Variants in NBPF19 observed in about 807,000 individuals in gnomAD.
NBPF19 encodes NBPF family member NBPF19.
Under a neutral mutation model 45.9 loss-of-function variants are expected in NBPF19, and 30 were observed. The observed-to-expected ratio is 0.65, with a 90% CI of 0.49 to 0.89. The LOEUF (loss-of-function observed/expected upper bound fraction) is 0.89. Among genes scored for constraint, NBPF19 ranks in the 40% least tolerant of loss-of-function variants. NBPF19 has a pLI of 0.00. For missense variants in NBPF19, 495 were observed against 471.8 expected (o/e 1.05, Z -0.46); for synonymous variants, 183 against 181.2 (o/e 1.01, Z -0.08).
intron 16 of NBPF19, 61 bp from the exon 17 acceptor site, chr1:149,493,599 G>C: frequency 6.8e-6 from 1 of 146,138 alleles, no homozygotes; most frequent in Non-Finnish European, 1.2e-5. Context: ...TTAGACAGTG[G>C]ATTGTTATGT....
intron 7 of NBPF19, among the ~76,000 whole-genome samples, chr1:149,482,552 C>A (rs1480977618): frequency 2.1e-3 from 309 of 149,948 alleles, no homozygotes; most frequent in African/African-American, 7.4e-3. Context: ...CTGCTCTGAT[C>A]TTAGTTACTT....
At position 149,554,680 on chromosome 1, in the gene NBPF19, C is replaced by T; in HGVS notation, c.11474C>T (p.Thr3825Ile). The T allele has an allele frequency of 6.2e-7, 1 of 1,608,280 alleles. No homozygotes were observed. The highest frequency in any genetic ancestry group is 8.5e-7 in the Non-Finnish European group (1 of 1,176,746). The change falls in exon 94 of 94, where the codon ACT (threonine) becomes ATT (isoleucine). Residue 3825 changes from threonine to isoleucine, a missense_variant. Physicochemically the swap from Thr to Ile is moderately conservative, Grantham distance 89 (BLOSUM62 -1). This residue lies in a region of NBPF19 where 248 missense variants were observed against 95.4 expected (regional missense o/e 2.60). Transcript: ENST00000651566. Reference protein sequence around the residue: ...FALYLDNRFFTLTVTSLHLVF... With the variant: ...FALYLDNRFFILTVTSLHLVF... The stretch of plus-strand genomic sequence containing the variant: ...CTTTACTTGGACAATAGGTTTTTTA[C>T]TTTGACGGTGACAAGTCTCCATCTG...
chr1:149,556,100 A>G lies in NBPF19; in HGVS notation c.*1362A>G, dbSNP rs1201032041. Reference sequence around the variant, plus strand: ...CCTGCCTGTGTCTATTATTATATTCATATCTCTACGCTGCAAAATTTGGGT... The same window carrying G: ...CCTGCCTGTGTCTATTATTATATTCGTATCTCTACGCTGCAAAATTTGGGT... On this transcript the variant is annotated 3_prime_UTR_variant, in exon 94 of 94. Coordinates refer to ENST00000651566, the MANE Select transcript of NBPF19 (RefSeq NM_001351365.2). 2.0e-5 allele frequency: 3 copies of G among 147,584 alleles called. No homozygotes were observed. Among genetic ancestry groups the G allele is most frequent in the Admixed American group, 6.9e-5 (1 of 14,580 alleles). The allele number at this position is 147,584 out of a possible 1,614,324, so 9.1% of individuals were successfully genotyped here.
intron 9 of NBPF19, among the ~76,000 whole-genome samples, chr1:149,487,797 G>A (rs1457108286): frequency 5.4e-5 from 8 of 148,804 alleles, no homozygotes; most frequent in Admixed American, 3.3e-4. Context: ...GTGTGTGTGT[G>A]TGTGTGTGTG....
At position 149,556,361 on chromosome 1, in the gene NBPF19, A is replaced by C. The variant is rs2087248820; in HGVS notation, c.*1623A>C. On this transcript the variant is annotated 3_prime_UTR_variant, in exon 94 of 94. Coordinates refer to ENST00000651566, the MANE Select transcript of NBPF19 (RefSeq NM_001351365.2). ...GAATTAATAAAAACATTTCATTTCC[A>C]TGTTTATTTTCTAATCTCTTCCACA... 1 of 150,096 alleles carries C rather than the reference A, an allele frequency of 6.7e-6. No homozygotes were observed. 9.3% of individuals were successfully genotyped at this position (150,096 alleles called of 1,614,324 possible).
chr1:149,486,494 C>T (rs1350054094), intron 8 of NBPF19, among the ~76,000 whole-genome samples: 1 of 151,064 alleles, frequency 6.6e-6, no homozygotes, highest in African/African-American at 2.4e-5. Context: ...TACTCTCTTC[C>T]TAGTCTCAGG....
intron 9 of NBPF19, among the ~76,000 whole-genome samples, chr1:149,487,717 C>G (rs2085658670): frequency 6.7e-6 from 1 of 149,748 alleles, no homozygotes; most frequent in Non-Finnish European, 1.5e-5. Flanking sequence ...AGCACAAATA[C>G]AGAGTGTCCT....
chr1:149,475,442 G>C lies in NBPF19; in HGVS notation c.-389G>C, dbSNP rs1301716061. On this transcript the variant is annotated 5_prime_UTR_variant, in exon 1 of 94. Coordinates refer to ENST00000651566, the MANE Select transcript of NBPF19 (RefSeq NM_001351365.2). The stretch of plus-strand genomic sequence containing the variant: ...AGTGAGGAATATGCTTAGATGTATT[G>C]GGAAAGACATGGGTCTGTGGCATTG... Among the ~76,000 whole-genome samples, 1 of 150,898 alleles carries C rather than the reference G, an allele frequency of 6.6e-6. No individual in the cohort carries two copies. The highest frequency in any genetic ancestry group is 2.4e-5 in the African/African-American group (1 of 40,960).
intron 9 of NBPF19, 46 bp from the exon 10 acceptor site, chr1:149,487,967 T>A (rs1327082347): frequency 0.017 from 11,990 of 695,400 alleles, 522 homozygotes; most frequent in Middle Eastern, 0.045. Context: ...GCTGTGTGGT[T>A]TCTGATTCCC....
At chr1:149,487,264 G>C (rs2085588550) in intron 8 of NBPF19, 68 bp from the exon 9 acceptor site, 1 of 1,165,430 alleles carries the variant, frequency 8.6e-7, no homozygotes, top group Non-Finnish European at 1.3e-6. Flanking sequence ...GTTAGGATTG[G>C]ACAGAGGAAT....
Position 149,554,960 on chromosome 1 carries a change from A to G in NBPF19, c.*222A>G, listed in dbSNP as rs1372655267. The G allele has an allele frequency of 1.0e-5, 8 of 772,216 alleles. No homozygotes were observed. The East Asian group carries it at 1.9e-4, about 18-fold the overall frequency. 47.8% of individuals were successfully genotyped at this position (772,216 alleles called of 1,614,324 possible). A position where few individuals can be genotyped will look rare whatever the true frequency, so the allele number is the denominator to read the frequency against. ...ACACGTTCACATAACTGTGCAGCAC[A>G]TGCCGGGAGTGATCAGTCGGACATT... On this transcript the variant is annotated 3_prime_UTR_variant, in exon 94 of 94. Transcript: ENST00000651566.
chr1:149,554,839 A>G lies in NBPF19; in HGVS notation c.*101A>G. On this transcript the variant is annotated 3_prime_UTR_variant, in exon 94 of 94. Coordinates refer to ENST00000651566, the MANE Select transcript of NBPF19 (RefSeq NM_001351365.2). ...CAGTTCCATTTGGAAGCCCAGACAT[A>G]GGATGGGTCAGTGGGCATGGCTCTT... 1.3e-6 allele frequency: 2 copies of G among 1,576,540 alleles called. No homozygotes were observed. The highest frequency in any genetic ancestry group is 1.7e-6 in the Non-Finnish European group (2 of 1,154,882).
At chr1:149,554,206 C>T (rs2087141995) in intron 93 of NBPF19, among the ~76,000 whole-genome samples, 1 of 150,830 alleles carries the variant, frequency 6.6e-6, no homozygotes, top group East Asian at 1.9e-4. Context: ...AGGGCACTAA[C>T]TCAGAGTGTC....
chr1:149,487,979 CT>C (rs1210272057), intron 9 of NBPF19, 33 bp from the exon 10 acceptor site: 1 of 692,534 alleles, frequency 1.4e-6, no homozygotes, highest in African/African-American at 1.8e-5. Flanking sequence ...CTGATTCCCC[CT>C]GGCTTATTCT....
chr1:149,554,177 C>T (rs2087137454), intron 93 of NBPF19, among the ~76,000 whole-genome samples: 1 of 148,100 alleles, frequency 6.8e-6, no homozygotes, highest in Admixed American at 6.8e-5. Context: ...TTCATGATCA[C>T]AGTTTGCTGT....
At chr1:149,477,473 T>C (rs1456357279) in intron 2 of NBPF19, among the ~76,000 whole-genome samples, 2 of 151,380 alleles carry the variant, frequency 1.3e-5, no homozygotes, top group African/African-American at 2.4e-5. Flanking sequence ...TGAATATTGA[T>C]TTAAAAATGA....
Position 149,475,503 on chromosome 1 carries a change from A to G in NBPF19, c.-328A>G, listed in dbSNP as rs1331039609. On this transcript the variant is annotated 5_prime_UTR_variant, in exon 1 of 94. The change abolishes the stop of an existing upstream ORF in the 5' untranslated region. Transcript: ENST00000651566. ...ACACGAATACTGAGAGTGAATGCTG[A>G]AGGAATGATCCCCATTGGTGGTGAC... 3.5e-5 allele frequency: 22 copies of G among 622,800 alleles called. No individual in the cohort carries two copies. In the East Asian group the frequency reaches 4.4e-4, roughly 12 times the overall value. 38.6% of individuals were successfully genotyped at this position (622,800 alleles called of 1,614,324 possible).
chr1:149,554,414 T>G, intron 93 of NBPF19, 81 bp from the exon 94 acceptor site: 1 of 1,607,388 alleles, frequency 6.2e-7, no homozygotes, highest in South Asian at 1.1e-5. Flanking sequence ...ACCACTTCCT[T>G]ATGTGACTTC....
rs2085723497 is a variant in NBPF19 at position 149,488,084 on chromosome 1, C to A, written c.1112C>A (p.Thr371Asn). 11 of 667,662 alleles carry A rather than the reference C, an allele frequency of 1.6e-5. No individual in the cohort carries two copies. The highest frequency in any genetic ancestry group is 1.6e-4 in the South Asian group (10 of 61,084). 41.4% of individuals were successfully genotyped at this position (667,662 alleles called of 1,614,324 possible). ...LQDSLDRCYS[T>N]PSGCLELTDS... ...GACTCACTGGATAGATGTTATTCAA[C>A]TCCTTCAGGTTGTCTTGAACTGACT... Residue 371 changes from threonine (T) to asparagine (N), a missense_variant, in exon 10 of 94, where the codon ACT (threonine) becomes AAT (asparagine). Around this residue, in one of 8 missense-constraint regions of NBPF19, gnomAD observed 146 missense variants for 67.3 expected, o/e 2.17. Coordinates refer to ENST00000651566, the MANE Select transcript of NBPF19 (RefSeq NM_001351365.2).
Sources: gnomAD v4.1 joint callset for allele counts (sites outside exome capture counted in the v4.1 genomes callset) on GRCh38, gnomAD v4.1.1 for gene constraint, gnomAD v4.1.1 regional missense constraint, MANE v1.5 for transcripts, NCBI Gene and HGNC (gene_info 2026-07-23, HGNC 2026-07-21) for gene names.